Variants in RPS6KC1 observed in about 807,000 individuals in gnomAD.
RPS6KC1 encodes inactive ribosomal protein S6 kinase delta-1.
RPS6KC1 carries 54 observed loss-of-function variants against 103.8 expected under a neutral mutation model. The observed-to-expected ratio is 0.52, with a 90% CI of 0.42 to 0.65. The LOEUF (loss-of-function observed/expected upper bound fraction) is 0.65, where lower values mean the gene tolerates loss of function less well. Among genes scored for constraint, RPS6KC1 ranks in the 30% least tolerant of loss-of-function variants. The pLI is 0.00. For synonymous variants in RPS6KC1, 439 were observed against 438.7 expected (o/e 1.00, Z -0.01); for missense variants, 1,151 against 1,253.8 (o/e 0.92, Z 1.24).
the RPS6KC1 span, among the ~76,000 whole-genome samples, chr1:213,789,287 C>T: frequency 6.6e-6 from 1 of 152,236 alleles, no homozygotes; most frequent in African/African-American, 2.4e-5. Flanking sequence ...TTCAGCCACC[C>T]TAACTCCGGC....
At chr1:213,154,754 C>T (rs1468136223) in intron 6 of RPS6KC1, among the ~76,000 whole-genome samples, 3 of 152,320 alleles carry the variant, frequency 2.0e-5, no homozygotes, top group Non-Finnish European at 2.9e-5. Context: ...CCTTCTGTGG[C>T]CTTGCTGGTA....
chr1:213,593,181 C>G, the RPS6KC1 span, among the ~76,000 whole-genome samples: 1 of 150,682 alleles, frequency 6.6e-6, no homozygotes, highest in Non-Finnish European at 1.5e-5. Flanking sequence ...GTCAGAGAGG[C>G]AGGCAGGGCC....
At chr1:213,812,905 T>C in the RPS6KC1 span, among the ~76,000 whole-genome samples, 1 of 152,042 alleles carries the variant, frequency 6.6e-6, no homozygotes, top group Non-Finnish European at 1.5e-5. Flanking sequence ...GTTGAGGAGG[T>C]TAAGAAAACT....
At chr1:213,316,982 G>A in the RPS6KC1 span, among the ~76,000 whole-genome samples, 1 of 152,142 alleles carries the variant, frequency 6.6e-6, no homozygotes, top group Non-Finnish European at 1.5e-5. Flanking sequence ...GAGGGAGCCT[G>A]CCAGGTGAGG....
rs187042679 is a variant in RPS6KC1, at chr1:213,262,487, G to A, written c.2995-234G>A. Among the ~76,000 whole-genome samples, 11 of 152,198 alleles carry A rather than the reference G, an allele frequency of 7.2e-5. No individual in the cohort carries two copies. In the East Asian group the frequency reaches 1.9e-3, roughly 27 times the overall value. On this transcript the variant is annotated intron_variant, in intron 13 of 14. Transcript: ENST00000366960. ...AGCCATTAATTTTATAACTAAGGACGACGGGACAGTAGCATAAGCTTATGA... is the reference window on the plus strand; with the variant it reads ...AGCCATTAATTTTATAACTAAGGACAACGGGACAGTAGCATAAGCTTATGA...
chr1:213,860,846 C>T, the RPS6KC1 span, among the ~76,000 whole-genome samples: 3 of 151,566 alleles, frequency 2.0e-5, no homozygotes, highest in African/African-American at 7.3e-5. Context: ...TCTCACTCTG[C>T]CACCCAGGCT....
chr1:213,062,578 G>T lies in RPS6KC1; in HGVS notation c.106-8428G>T, dbSNP rs1188822361. On this transcript the variant is annotated intron_variant, in intron 1 of 14. Coordinates refer to ENST00000366960, the MANE Select transcript of RPS6KC1 (RefSeq NM_012424.6). ...TGCTTTTGAATCTTTTTTTTTTTGG[G>T]GCGGAGTCTCGCTCTGTCACCAGGC... Among the ~76,000 whole-genome samples, 6 of 150,174 alleles carry T rather than the reference G, an allele frequency of 4.0e-5. 1 individual carries two copies. The highest frequency in any genetic ancestry group is 1.5e-4 in the African/African-American group (6 of 40,866).
the RPS6KC1 span, among the ~76,000 whole-genome samples, chr1:213,747,761 C>T: frequency 3.3e-5 from 5 of 152,204 alleles, no homozygotes; most frequent in East Asian, 5.8e-4. Context: ...TAAAAATGTT[C>T]CATAAACAGG....
At chr1:213,278,296 A>AAGGGG (rs1232633479), downstream of RPS6KC1, among the ~76,000 whole-genome samples, 1 of 152,112 alleles carries the variant, frequency 6.6e-6, no homozygotes, top group African/African-American at 2.4e-5. Context: ...ACAGATGTCA[A>AAGGGG]AGGGGACTGT....
At chr1:213,131,659 G>A (rs1021424802) in intron 6 of RPS6KC1, among the ~76,000 whole-genome samples, 1 of 152,144 alleles carries the variant, frequency 6.6e-6, no homozygotes, top group East Asian at 1.9e-4. Context: ...TGCCAGGCTG[G>A]TCTCGAACTA....
chr1:213,758,616 G>C, the RPS6KC1 span, among the ~76,000 whole-genome samples: 1 of 151,926 alleles, frequency 6.6e-6, no homozygotes, highest in Non-Finnish European at 1.5e-5. Context: ...ATTCATGAAA[G>C]GAGGTCAAAA....
In RPS6KC1 at chr1:213,129,582, T is replaced by C. The variant is rs1404232802; in HGVS notation, c.528T>C (p.Ala176=). 1.2e-6 allele frequency: 2 copies of C among 1,613,864 alleles called. No individual in the cohort carries two copies. The highest frequency in any genetic ancestry group is 2.2e-5 in the South Asian group (2 of 91,050). The change falls in exon 6 of 15, where the codon GCT becomes GCC. Residue 176 remains alanine (A), a synonymous_variant. Transcript: ENST00000366960. The stretch of plus-strand genomic sequence containing the variant: ...TTACTGTTGATGTGGATTCTCTTGC[T>C]GAGTTAGATGATGGAATGGCTTCCA... The part of the protein sequence containing the change: ...VSLTVDVDSL[A]ELDDGMASNQ...
chr1:213,344,921 A>T, the RPS6KC1 span, among the ~76,000 whole-genome samples: 1 of 152,276 alleles, frequency 6.6e-6, no homozygotes, highest in South Asian at 2.1e-4. Context: ...TATTTTCTGC[A>T]CCTGGAAAAT....
the RPS6KC1 span, among the ~76,000 whole-genome samples, chr1:213,313,342 G>GTT: frequency 0.011 from 1,602 of 146,144 alleles, 35 homozygotes; most frequent in African/African-American, 0.034. Flanking sequence ...AGGTGTGTGG[G>GTT]TTTTTTTTTT....
At chr1:213,195,173 G>A (rs1277809650) in intron 8 of RPS6KC1, among the ~76,000 whole-genome samples, 1 of 152,186 alleles carries the variant, frequency 6.6e-6, no homozygotes, top group East Asian at 1.9e-4. Flanking sequence ...GAGAATCACA[G>A]AGTGAGCATC....
At chr1:213,324,073 G>A in the RPS6KC1 span, among the ~76,000 whole-genome samples, 1 of 152,168 alleles carries the variant, frequency 6.6e-6, no homozygotes, top group Non-Finnish European at 1.5e-5. Flanking sequence ...TTTGCTGAGT[G>A]CACTGCTCTG....
At chr1:213,443,989 G>A in the RPS6KC1 span, among the ~76,000 whole-genome samples, 1 of 152,158 alleles carries the variant, frequency 6.6e-6, no homozygotes, top group Non-Finnish European at 1.5e-5. Context: ...AGCCACAGAA[G>A]TTTATTGTCT....
chr1:213,563,589 G>C, the RPS6KC1 span, among the ~76,000 whole-genome samples: 3 of 151,880 alleles, frequency 2.0e-5, no homozygotes, highest in African/African-American at 7.3e-5. Context: ...CTGATTTTAA[G>C]GTTTTTCATT....
the RPS6KC1 span, among the ~76,000 whole-genome samples, chr1:213,475,434 G>A: frequency 1.3e-4 from 20 of 152,064 alleles, no homozygotes; most frequent in Admixed American, 3.3e-4. Context: ...GCTTGGGTGC[G>A]TGCTGTGCCC....
Sources: gnomAD v4.1 joint callset for allele counts (sites outside exome capture counted in the v4.1 genomes callset) on GRCh38, gnomAD v4.1.1 for gene constraint, MANE v1.5 for transcripts, NCBI Gene and HGNC (gene_info 2026-07-23, HGNC 2026-07-21) for gene names.